The following CAMSAP2 variants were observed in gnomAD, a reference collection of about 807,000 sequenced individuals.
CAMSAP2 encodes the protein calmodulin regulated spectrin associated protein family member 2.
In CAMSAP2, 26 loss-of-function variants were observed where a neutral mutation model predicts 146.1. The ratio of observed to expected loss-of-function variants is 0.18; its 90% confidence interval spans 0.13 to 0.25. CAMSAP2 has a LOEUF of 0.25. Among genes scored for constraint, CAMSAP2 ranks in the 10% least tolerant of loss-of-function variants. The pLI is 1.00. For missense variants in CAMSAP2, 1,381 were observed against 1,759.3 expected, an observed-to-expected ratio of 0.78 and a Z score of 3.85; for synonymous variants, 499 against 596.6, an observed-to-expected ratio of 0.84 and a Z score of 2.38.
chr1:200,787,066 C>T (rs900497181), intron 2 of CAMSAP2, among the ~76,000 whole-genome samples: 1 of 151,274 alleles, frequency 6.6e-6, no homozygotes, highest in Non-Finnish European at 1.5e-5. Context: ...GTTGACAATG[C>T]GCGTGGTCAC....
At chr1:200,855,168 T>C (rs914677729) in intron 14 of CAMSAP2, among the ~76,000 whole-genome samples, 6 of 152,260 alleles carry the variant, frequency 3.9e-5, no homozygotes, top group Admixed American at 6.5e-5. Context: ...TAACAGTAAT[T>C]ATACATCAGT....
At chr1:200,809,922 G>A (rs974151689) in intron 3 of CAMSAP2, among the ~76,000 whole-genome samples, 1 of 152,172 alleles carries the variant, frequency 6.6e-6, no homozygotes, top group African/African-American at 2.4e-5. Flanking sequence ...GTCTGAGCAT[G>A]TTAGCTCAGG....
chr1:200,833,155 A>G (rs1489809870), intron 6 of CAMSAP2, among the ~76,000 whole-genome samples: 1 of 152,240 alleles, frequency 6.6e-6, no homozygotes, highest in Non-Finnish European at 1.5e-5. Flanking sequence ...GATTAACTAT[A>G]TTAGTCAAAA....
At position 200,739,764 on chromosome 1, in the gene CAMSAP2, G is replaced by A; in HGVS notation, c.-64G>A. 2 of 1,162,560 alleles carry A rather than the reference G, an allele frequency of 1.7e-6. No homozygotes were observed. Among genetic ancestry groups the A allele is most frequent in the Non-Finnish European group, 2.4e-6 (2 of 846,616 alleles). The allele number at this position is 1,162,560 out of a possible 1,614,324, so 72.0% of individuals were successfully genotyped here. ...TGCTTCTCCCTCCCTCCCGACCCCC[G>A]TGGTGGCGAGGCCACGCCATGTGAA... On this transcript the variant is annotated 5_prime_UTR_variant, in exon 1 of 17. It adds an upstream start codon to the 5' untranslated region. Transcript: ENST00000358823. This position sits in a 1 kb window ranked among gnomAD's most constrained non-coding sequence, Gnocchi z 4.8.
chr1:200,791,362 C>T (rs968884757), intron 2 of CAMSAP2, among the ~76,000 whole-genome samples: 13 of 152,086 alleles, frequency 8.5e-5, no homozygotes, highest in South Asian at 2.1e-4. Context: ...GTATTTACCC[C>T]GTTGGGGATT....
intron 2 of CAMSAP2, among the ~76,000 whole-genome samples, chr1:200,765,235 AT>A (rs2103006593): frequency 6.6e-6 from 1 of 152,060 alleles, no homozygotes; most frequent in South Asian, 2.1e-4. Context: ...TTCTTTATTT[AT>A]TTATTTTTTC....
At chr1:200,816,843 TGTAC>T (rs1183217762) in intron 4 of CAMSAP2, among the ~76,000 whole-genome samples, 1 of 75,696 alleles carries the variant, frequency 1.3e-5, no homozygotes, top group Non-Finnish European at 2.7e-5. Flanking sequence ...TGTGTATGTG[TGTAC>T]ACACACACGC....
intron 2 of CAMSAP2, among the ~76,000 whole-genome samples, chr1:200,761,783 A>G (rs1179493810): frequency 1.3e-5 from 2 of 151,630 alleles, no homozygotes; most frequent in Non-Finnish European, 2.9e-5. Flanking sequence ...ACTTCTTGGT[A>G]AATTTCTGCA....
chr1:200,832,948 T>A lies in CAMSAP2; in HGVS notation c.927+103T>A. Reference sequence around the variant, plus strand: ...CAGTGGCTCATGCCTGTAATCCCAGTACTTTGGGAGGACAAGGTGGGAGGA... The same window carrying A: ...CAGTGGCTCATGCCTGTAATCCCAGAACTTTGGGAGGACAAGGTGGGAGGA... On this transcript the variant is annotated intron_variant, in intron 6 of 16. Transcript: ENST00000358823. The surrounding 1 kb of genome is among the most constrained non-coding windows in gnomAD (Gnocchi z 4.2). 9.9e-7 allele frequency: 1 copy of A among 1,012,318 alleles called. No homozygotes were observed. The allele number at this position is 1,012,318 out of a possible 1,614,324, so 62.7% of individuals were successfully genotyped here.
chr1:200,783,852 A>G (rs191266804), intron 2 of CAMSAP2, among the ~76,000 whole-genome samples: 423 of 151,898 alleles, frequency 2.8e-3, no homozygotes, highest in African/African-American at 9.4e-3. Flanking sequence ...CCAGTTTACA[A>G]TTTTTTTCTT....
At chr1:200,852,819 G>A in intron 12 of CAMSAP2, 142 bp downstream of exon 12, 1 of 822,940 alleles carries the variant, frequency 1.2e-6, no homozygotes, top group Non-Finnish European at 1.8e-6. Context: ...TTGTAGTATA[G>A]ATAGACAGCT....
intron 8 of CAMSAP2, among the ~76,000 whole-genome samples, chr1:200,845,498 T>C (rs1030791959): frequency 6.6e-6 from 1 of 152,124 alleles, no homozygotes; most frequent in East Asian, 1.9e-4. Flanking sequence ...TCATTGTGTG[T>C]AGAGGTGGAG....
intron 1 of CAMSAP2, among the ~76,000 whole-genome samples, chr1:200,756,475 GA>G (rs1007421467): frequency 1.3e-5 from 2 of 151,054 alleles, no homozygotes; most frequent in African/African-American, 2.4e-5. Context: ...AAAAAAAAAA[GA>G]AAAAAAAGTA....
intron 1 of CAMSAP2, among the ~76,000 whole-genome samples, chr1:200,758,211 T>A (rs1664700313): frequency 1.3e-5 from 2 of 152,348 alleles, no homozygotes; most frequent in South Asian, 4.1e-4. Context: ...GTATGATAGA[T>A]AAATTTGTAA....
chr1:200,830,858 A>G (rs897495726), intron 4 of CAMSAP2, among the ~76,000 whole-genome samples: 1 of 152,234 alleles, frequency 6.6e-6, no homozygotes, highest in African/African-American at 2.4e-5. Flanking sequence ...CTTTAAGAGG[A>G]AAACATGTTC....
chr1:200,803,618 TAAAA>T (rs59144711), intron 2 of CAMSAP2, among the ~76,000 whole-genome samples: 1 of 139,448 alleles, frequency 7.2e-6, no homozygotes, highest in Non-Finnish European at 1.6e-5. Flanking sequence ...AGTTAAGAAG[TAAAA>T]AAAAAAAATC....
At chr1:200,824,004 A>G (rs1001308857) in intron 4 of CAMSAP2, among the ~76,000 whole-genome samples, 3 of 152,138 alleles carry the variant, frequency 2.0e-5, no homozygotes, top group South Asian at 2.1e-4. Context: ...TCAGCCACTG[A>G]GAGCTTTTTG....
chr1:200,824,066 C>T (rs1165247766), intron 4 of CAMSAP2, among the ~76,000 whole-genome samples: 1 of 152,086 alleles, frequency 6.6e-6, no homozygotes, highest in Non-Finnish European at 1.5e-5. Context: ...GTTTTTTGAG[C>T]ACTTCCTTAC....
At chr1:200,770,932 A>G (rs754753559) in intron 2 of CAMSAP2, among the ~76,000 whole-genome samples, 44 of 152,214 alleles carry the variant, frequency 2.9e-4, no homozygotes, top group African/African-American at 9.6e-4. Flanking sequence ...TGGCTAGGCT[A>G]GTTAGTAACA....
Sources: gnomAD v4.1 joint callset for allele counts (sites outside exome capture counted in the v4.1 genomes callset) on GRCh38, gnomAD v4.1.1 for gene constraint, Gnocchi (gnomAD v3.1) non-coding constraint, MANE v1.5 for transcripts, NCBI Gene and HGNC (gene_info 2026-07-23, HGNC 2026-07-21) for gene names.